The following NDUFB6 variants were observed in gnomAD, a reference collection of about 807,000 sequenced individuals.
NDUFB6 encodes NADH dehydrogenase [ubiquinone] 1 beta subcomplex subunit 6.
Under a neutral mutation model 17.5 loss-of-function variants are expected in NDUFB6, and 23 were observed. The ratio of observed to expected loss-of-function variants is 1.31; its 90% CI spans 0.94 to 1.86. The LOEUF (loss-of-function observed/expected upper bound fraction) is 1.86. Ranked by LOEUF, NDUFB6 falls within the 40% of genes most tolerant of loss-of-function variation. The pLI, the probability that NDUFB6 is intolerant of heterozygous loss-of-function variation, is 0.00. For synonymous variants in NDUFB6, 60 were observed against 53.5 expected, an observed-to-expected ratio of 1.12 and a Z score of -0.53; for missense variants, 167 against 153.8, an observed-to-expected ratio of 1.09 and a Z score of -0.46.
chr9:32,556,601 G>A (rs1399350338), intron 3 of NDUFB6, among the ~76,000 whole-genome samples: 1 of 152,082 alleles, frequency 6.6e-6, no homozygotes, highest in Non-Finnish European at 1.5e-5. Flanking sequence ...GAACCACAGT[G>A]GCAAAAAATA....
chr9:32,558,517 T>G (rs1358459784), intron 3 of NDUFB6, among the ~76,000 whole-genome samples: 1 of 152,230 alleles, frequency 6.6e-6, no homozygotes, highest in Non-Finnish European at 1.5e-5. Context: ...CATGAGAGTT[T>G]GGAATTAATA....
At chr9:32,564,195 A>G (rs1352324442) in intron 2 of NDUFB6, among the ~76,000 whole-genome samples, 1 of 152,214 alleles carries the variant, frequency 6.6e-6, no homozygotes, top group Non-Finnish European at 1.5e-5. Context: ...AATACATTTT[A>G]AAAACCATGA....
intron 3 of NDUFB6, among the ~76,000 whole-genome samples, chr9:32,557,663 G>A (rs1173774060): frequency 6.8e-6 from 1 of 146,468 alleles, no homozygotes; most frequent in South Asian, 2.2e-4. Flanking sequence ...ATTTTTAGTA[G>A]AGACGGGGTT....
chr9:32,555,387 G>A (rs1272064882), intron 3 of NDUFB6, among the ~76,000 whole-genome samples: 1 of 152,224 alleles, frequency 6.6e-6, no homozygotes, highest in Admixed American at 6.5e-5. Context: ...CTATGGCAAA[G>A]ATCAGTTTAA....
chr9:32,568,252 G>A (rs571832905), intron 2 of NDUFB6: 32 of 170,308 alleles, frequency 1.9e-4, no homozygotes, highest in African/African-American at 5.8e-4. Context: ...TCAGGAATTC[G>A]GTGCAGGAAG....
chr9:32,566,079 A>G, intron 2 of NDUFB6: 1 of 445,562 alleles, frequency 2.2e-6, no homozygotes, highest in East Asian at 3.5e-5. Context: ...CCAAAAAAAA[A>G]AAAAGGCACC....
intron 2 of NDUFB6, chr9:32,566,839 C>T: frequency 1.1e-6 from 1 of 871,978 alleles, no homozygotes; most frequent in South Asian, 1.4e-5. Context: ...CTGCTCATCA[C>T]ACAGTAGCTG....
intron 2 of NDUFB6, chr9:32,567,312 C>G (rs1237786538): frequency 2.1e-6 from 1 of 470,326 alleles, no homozygotes; most frequent in East Asian, 6.9e-5. Flanking sequence ...CTTCACGTCT[C>G]TGTGCCATAT....
intron 2 of NDUFB6, chr9:32,567,492 ATT>A: frequency 2.4e-6 from 1 of 424,790 alleles, no homozygotes; most frequent in South Asian, 1.7e-5. Context: ...AGCCCGGCTA[ATT>A]TTTGTATTTT....
intron 3 of NDUFB6, among the ~76,000 whole-genome samples, chr9:32,555,169 T>C (rs994372436): frequency 6.6e-6 from 1 of 152,050 alleles, no homozygotes; most frequent in Non-Finnish European, 1.5e-5. Flanking sequence ...TCCCAGCACT[T>C]TGGGAGTCCA....
intron 2 of NDUFB6, among the ~76,000 whole-genome samples, chr9:32,561,177 G>A (rs1374212582): frequency 6.6e-6 from 1 of 152,154 alleles, no homozygotes; most frequent in Non-Finnish European, 1.5e-5. Context: ...GAGAGAGTTT[G>A]TGTTGGTTTG....
chr9:32,564,668 C>T (rs1563995532), intron 2 of NDUFB6, among the ~76,000 whole-genome samples: 1 of 152,154 alleles, frequency 6.6e-6, no homozygotes. Context: ...TCAGCGTTTC[C>T]TTCCAGATTG....
intron 1 of NDUFB6, among the ~76,000 whole-genome samples, chr9:32,572,052 A>G (rs1373004135): frequency 6.6e-6 from 1 of 152,236 alleles, no homozygotes; most frequent in East Asian, 1.9e-4. Flanking sequence ...CACATTTAAA[A>G]TGAGGATTAG....
chr9:32,570,908 G>A (rs1467596792), intron 2 of NDUFB6, 52 bp downstream of exon 2: 3 of 1,294,134 alleles, frequency 2.3e-6, no homozygotes, highest in African/African-American at 3.0e-5. Context: ...TAGCCACAAA[G>A]AAAGTAATTT....
intron 3 of NDUFB6, among the ~76,000 whole-genome samples, chr9:32,557,528 G>A (rs1821500821): frequency 1.3e-5 from 2 of 151,168 alleles, no homozygotes; most frequent in African/African-American, 4.9e-5. Flanking sequence ...TTCTGAGGCT[G>A]GAGTGCAGTG....
intron 2 of NDUFB6, among the ~76,000 whole-genome samples, chr9:32,559,514 T>TA (rs1378440729): frequency 6.6e-6 from 1 of 152,176 alleles, no homozygotes; most frequent in Non-Finnish European, 1.5e-5. Context: ...CTCCCTCACT[T>TA]ACTCTACTAC....
rs1481940561 is a variant in NDUFB6, at chr9:32,570,940, T to C, written c.273+20A>G. The C allele has an allele frequency of 1.3e-6, 2 of 1,501,784 alleles. No individual in the cohort carries two copies. The highest frequency in any genetic ancestry group is 1.8e-6 in the Non-Finnish European group (2 of 1,096,556). The allele number at this position is 1,501,784 out of a possible 1,614,324, so 93.0% of individuals were successfully genotyped here. ...ATTTTGGACAATATTAAAAATGAAT[T>C]CTGAAAAGGACATACTTACAGAAAC... On this transcript the variant is annotated intron_variant, in intron 2 of 3. Transcript: ENST00000379847.
In NDUFB6 at chr9:32,553,759, G is replaced by T; in HGVS notation, c.*117C>A. The T allele has an allele frequency of 1.4e-6, 1 of 717,494 alleles. No homozygotes were observed. Among genetic ancestry groups the T allele is most frequent in the Non-Finnish European group, 2.4e-6 (1 of 412,938 alleles). The allele number at this position is 717,494 out of a possible 1,614,324, so 44.4% of individuals were successfully genotyped here. ...TCAAATTGTACAATGCTTGAAAACA[G>T]ATATGACAATTTCTGAGATTAAACT... On this transcript the variant is annotated 3_prime_UTR_variant, in exon 4 of 4. Coordinates refer to ENST00000379847, the MANE Select transcript of NDUFB6 (RefSeq NM_002493.5).
chr9:32,562,153 A>T (rs896541261), intron 2 of NDUFB6, among the ~76,000 whole-genome samples: 1 of 152,136 alleles, frequency 6.6e-6, no homozygotes, highest in Non-Finnish European at 1.5e-5. Context: ...CTGACTCCAT[A>T]TGTTTGCTTC....
Sources: gnomAD v4.1 joint callset for allele counts (sites outside exome capture counted in the v4.1 genomes callset) on GRCh38, gnomAD v4.1.1 for gene constraint, MANE v1.5 for transcripts, NCBI Gene and HGNC (gene_info 2026-07-23, HGNC 2026-07-21) for gene names.